Variants in AZIN1 observed in about 807,000 individuals in gnomAD.
The protein encoded by AZIN1 is antizyme inhibitor 1, also known as ornithine decarboxylase antizyme inhibitor.
Under a neutral mutation model 47.4 loss-of-function variants are expected in AZIN1, and 12 were observed. The observed-to-expected ratio is 0.25, with a 90% CI of 0.16 to 0.41. The LOEUF (loss-of-function observed/expected upper bound fraction) is 0.41. Among genes scored for constraint, AZIN1 ranks in the 10% least tolerant of loss-of-function variants. The pLI, the probability that AZIN1 is intolerant of heterozygous loss-of-function variation, is 1.00. For missense variants in AZIN1, 410 were observed against 532.4 expected (o/e 0.77, Z 2.26); for synonymous variants, 155 against 176.3 (o/e 0.88, Z 0.96).
chr8:102,851,147 A>T (rs894005054), intron 2 of AZIN1, among the ~76,000 whole-genome samples: 19 of 152,350 alleles, frequency 1.2e-4, no homozygotes, highest in African/African-American at 4.3e-4. Flanking sequence ...TGAAATATTT[A>T]TATCCCTTTT....
chr8:102,838,495 T>C (rs1811966522), intron 5 of AZIN1, among the ~76,000 whole-genome samples: 1 of 152,196 alleles, frequency 6.6e-6, no homozygotes, highest in Admixed American at 6.5e-5. Context: ...CTATCAAGGA[T>C]TCCTTGAAGA....
At chr8:102,851,080 AT>A (rs1262322115) in intron 2 of AZIN1, among the ~76,000 whole-genome samples, 2 of 152,100 alleles carry the variant, frequency 1.3e-5, no homozygotes, top group Admixed American at 6.5e-5. Flanking sequence ...TGAAGACTAA[AT>A]TTTTTTTCTG....
intron 2 of AZIN1, among the ~76,000 whole-genome samples, chr8:102,853,412 G>A (rs1813052666): frequency 6.6e-6 from 1 of 152,208 alleles, no homozygotes; most frequent in Non-Finnish European, 1.5e-5. Context: ...TGAGGCAGGA[G>A]AATTGATGGA....
At chr8:102,857,404 A>G (rs1202695038) in intron 2 of AZIN1, among the ~76,000 whole-genome samples, 3 of 152,094 alleles carry the variant, frequency 2.0e-5, no homozygotes, top group Non-Finnish European at 2.9e-5. Context: ...TTTTTAAATG[A>G]ACCCACACAA....
intron 2 of AZIN1, chr8:102,855,944 A>C (rs912260953): frequency 6.6e-6 from 1 of 152,058 alleles, no homozygotes; most frequent in Admixed American, 6.5e-5. Context: ...CATACTTTAC[A>C]TATGTTATGT....
intron 3 of AZIN1, 88 bp downstream of exon 3, chr8:102,843,463 C>T (rs2304344): frequency 0.17 from 194,917 of 1,166,894 alleles, 17,409 homozygotes; most frequent in Admixed American, 0.28. Flanking sequence ...CCAAGTACTT[C>T]TGATCAGATT....
intron 5 of AZIN1, among the ~76,000 whole-genome samples, chr8:102,836,957 T>C (rs1211065290): frequency 6.6e-6 from 1 of 152,122 alleles, no homozygotes; most frequent in East Asian, 1.9e-4. Flanking sequence ...CAGGCTGGAG[T>C]GCAGTGGCGC....
chr8:102,852,724 A>G (rs941067580), intron 2 of AZIN1, among the ~76,000 whole-genome samples: 3 of 152,186 alleles, frequency 2.0e-5, no homozygotes, highest in African/African-American at 7.2e-5. Context: ...GCTACACAGT[A>G]TTTTCTACTC....
rs1350852838 is a variant in AZIN1, at chr8:102,829,456, T to C, written c.1051A>G (p.Ser351Gly). The change falls in exon 11 of 12, where the codon AGC becomes GGC. Residue 351 changes from serine (S) to glycine (G), a missense_variant. Coordinates refer to ENST00000337198, the MANE Select transcript of AZIN1 (RefSeq NM_148174.4). ...KYKEDEPLFT[S>G]SLWGPSCDEL... Reference sequence around the variant, plus strand: ...TCACAGGATGGACCCCAAAGGCTGCTTGTAAACAGAGGCTCATCTTCCTTG... The same window carrying C: ...TCACAGGATGGACCCCAAAGGCTGCCTGTAAACAGAGGCTCATCTTCCTTG... The C allele has an allele frequency of 6.2e-7, 1 of 1,611,534 alleles. No individual in the cohort carries two copies. Among genetic ancestry groups the C allele is most frequent in the Non-Finnish European group, 8.5e-7 (1 of 1,179,384 alleles).
intron 1 of AZIN1, among the ~76,000 whole-genome samples, chr8:102,863,207 A>AGG (rs1563555496): frequency 6.6e-6 from 1 of 151,970 alleles, no homozygotes; most frequent in Non-Finnish European, 1.5e-5. Context: ...CCTCCACCAG[A>AGG]GGGGGACCGC....
rs1450906795 is a variant in AZIN1, at chr8:102,838,759, T to C, written c.434A>G (p.Asn145Ser). The change falls in exon 5 of 12, where the codon AAT (asparagine) becomes AGT (serine). Residue 145 changes from asparagine (N) to serine (S), a missense_variant. This residue lies in a region of AZIN1 where 237 missense variants were observed against 309.4 expected (regional missense o/e 0.77). Coordinates refer to ENST00000337198, the MANE Select transcript of AZIN1 (RefSeq NM_148174.4). ...NEIELKKIAR[N>S]HPNAKVLLHI... Reference sequence around the variant, plus strand: ...TTATACTTACTTGGCATTTGGGTGATTACGTGCAATTTTCTTCAATTCAAT... The same window carrying C: ...TTATACTTACTTGGCATTTGGGTGACTACGTGCAATTTTCTTCAATTCAAT... 1 of 1,612,560 alleles carries C rather than the reference T, an allele frequency of 6.2e-7. No homozygotes were observed. Among genetic ancestry groups the C allele is most frequent in the Non-Finnish European group, 8.5e-7 (1 of 1,179,376 alleles).
chr8:102,857,660 ACAAT>A (rs952865824), intron 2 of AZIN1, among the ~76,000 whole-genome samples: 16 of 152,278 alleles, frequency 1.1e-4, no homozygotes, highest in East Asian at 1.9e-4. Flanking sequence ...TCCTCTAAAA[ACAAT>A]CAGTTAGTTG....
At chr8:102,859,701 C>T (rs1813509892) in intron 1 of AZIN1, among the ~76,000 whole-genome samples, 1 of 152,082 alleles carries the variant, frequency 6.6e-6, no homozygotes. Context: ...CTGGGCATGG[C>T]GGTGCACACC....
chr8:102,854,672 T>C (rs911319591), intron 2 of AZIN1: 2 of 149,258 alleles, frequency 1.3e-5, no homozygotes, highest in African/African-American at 4.9e-5. Context: ...AGGGAGCTCC[T>C]ACTAAGGCAT....
intron 2 of AZIN1, chr8:102,856,156 T>A (rs1172330776): frequency 2.0e-5 from 3 of 151,928 alleles, no homozygotes; most frequent in Non-Finnish European, 1.5e-5. Context: ...AAAATTTTTT[T>A]AAAGACTTTT....
Position 102,826,468 on chromosome 8 carries a change from C to T in AZIN1, c.*2099G>A, listed in dbSNP as rs1433905953. On this transcript the variant is annotated 3_prime_UTR_variant, in exon 12 of 12. Coordinates refer to ENST00000337198, the MANE Select transcript of AZIN1 (RefSeq NM_148174.4). ...TTTATATTTGCAGTTAACTTTTGAA[C>T]TGAGATTACAATATTATAACAAAAA... The T allele has an allele frequency of 3.3e-5, 5 of 152,612 alleles. No homozygotes were observed. The highest frequency in any genetic ancestry group is 7.3e-5 in the Non-Finnish European group (5 of 68,038). 9.5% of individuals were successfully genotyped at this position (152,612 alleles called of 1,614,324 possible). A position where few individuals can be genotyped will look rare whatever the true frequency, so the allele number is the denominator to read the frequency against.
At chr8:102,830,803 C>T (rs1409737189) in intron 9 of AZIN1, among the ~76,000 whole-genome samples, 1 of 152,134 alleles carries the variant, frequency 6.6e-6, no homozygotes, top group Non-Finnish European at 1.5e-5. Context: ...CATCAGAGAG[C>T]AGGAGGAGCA....
At chr8:102,836,570 G>A (rs1030297936) in intron 5 of AZIN1, 180 bp from the exon 6 acceptor site, 5 of 609,240 alleles carry the variant, frequency 8.2e-6, no homozygotes, top group Non-Finnish European at 1.4e-5. Context: ...AGCAATTAGG[G>A]CCTAAAGCAT....
At chr8:102,847,361 A>T (rs1434522131) in intron 2 of AZIN1, among the ~76,000 whole-genome samples, 146 of 146,406 alleles carry the variant, frequency 1.0e-3, no homozygotes, top group African/African-American at 3.5e-3. Flanking sequence ...AAAAAAAAAA[A>T]AAAAAAAACA....
Sources: gnomAD v4.1 joint callset for allele counts (sites outside exome capture counted in the v4.1 genomes callset) on GRCh38, gnomAD v4.1.1 for gene constraint, gnomAD v4.1.1 regional missense constraint, MANE v1.5 for transcripts, NCBI Gene and HGNC (gene_info 2026-07-23, HGNC 2026-07-21) for gene names.